Variants in CARS2 observed in about 807,000 individuals in gnomAD.
CARS2 encodes the protein cysteinyl-tRNA synthetase 2, mitochondrial, also known as probable cysteine--tRNA ligase, mitochondrial.
Under a neutral mutation model 68.8 loss-of-function variants are expected in CARS2, and 52 were observed. The ratio of observed to expected loss-of-function variants is 0.76; its 90% CI spans 0.61 to 0.95. The LOEUF is 0.95. Ranked by LOEUF, CARS2 falls within the 40% of genes least tolerant of loss-of-function variation. CARS2 has a pLI of 0.00. For missense variants in CARS2, 780 were observed against 754.2 expected (o/e 1.03, Z -0.40); for synonymous variants, 314 against 303.6 (o/e 1.03, Z -0.36).
chr13:110,695,933 C>T (rs7985542), intron 3 of CARS2, among the ~76,000 whole-genome samples: 77,760 of 151,848 alleles, frequency 0.51, 21,716 homozygotes, highest in Non-Finnish European at 0.64. Flanking sequence ...CCCTAGCCCC[C>T]CAACCCCTGA....
chr13:110,701,310 T>C, intron 3 of CARS2, 128 bp downstream of exon 3: 2 of 605,524 alleles, frequency 3.3e-6, no homozygotes, highest in Non-Finnish European at 5.9e-6. Flanking sequence ...GTGATCCACC[T>C]GTCTTGGCCT....
chr13:110,663,941 T>C, intron 8 of CARS2: 1 of 994,466 alleles, frequency 1.0e-6, no homozygotes. Context: ...TTGTTGACCG[T>C]TGTCCAAAAA....
chr13:110,676,920 G>A lies in CARS2; in HGVS notation c.785+54C>T. 1 of 1,477,814 alleles carries A rather than the reference G, an allele frequency of 6.8e-7. No individual in the cohort carries two copies. The highest frequency in any genetic ancestry group is 9.0e-7 in the Non-Finnish European group (1 of 1,109,232). The allele number at this position is 1,477,814 out of a possible 1,614,324, so 91.5% of individuals were successfully genotyped here. ...CCATGCACATCCTCTGCTGCCCTGA[G>A]CAGGCACCAGGGGAACTTGAGCCCC... On this transcript the variant is annotated intron_variant, in intron 7 of 14. Coordinates refer to ENST00000257347, the MANE Select transcript of CARS2 (RefSeq NM_024537.4). This position sits in a 1 kb window ranked among gnomAD's most constrained non-coding sequence, Gnocchi z 4.0.
At chr13:110,679,844 A>G (rs2063105076) in intron 6 of CARS2, among the ~76,000 whole-genome samples, 1 of 152,178 alleles carries the variant, frequency 6.6e-6, no homozygotes, top group South Asian at 2.1e-4. Flanking sequence ...AGTAGCTGCT[A>G]CCAGCAAAAG....
At position 110,642,357 on chromosome 13, in the gene CARS2, G is replaced by A. The variant is rs201472735; in HGVS notation, c.1581C>T (p.Asp527=). ...GGGCAGTCAGGCCCCGGCGCAGGGT[G>A]TCGCATGCTTCCAGCAGGGGCTGCC... ...LERQPLLEAC[D]TLRRGLTAHG... Residue 527 remains aspartate, a synonymous_variant, in exon 14 of 15, where the codon GAC becomes GAT. Transcript: ENST00000257347. 19 of 1,553,936 alleles carry A rather than the reference G, an allele frequency of 1.2e-5. No homozygotes were observed. In the East Asian group the frequency reaches 1.5e-4, roughly 12 times the overall value.
chr13:110,687,793 C>T lies in CARS2; in HGVS notation c.499G>A (p.Glu167Lys), dbSNP rs753936012. The change falls in exon 5 of 15, where the codon GAA becomes AAA. Residue 167 changes from glutamate (E) to lysine (K), a missense_variant. By Grantham distance (56) the Glu-to-Lys change is moderately conservative. Coordinates refer to ENST00000257347, the MANE Select transcript of CARS2 (RefSeq NM_024537.4). ...LPPTVYLRVT[E>K]NIPQIISFIE... Reference sequence around the variant, plus strand: ...AAAGAAATTATCTGAGGAATATTTTCGGTTACCCTCAGGTACACCGTGGGT... The same window carrying T: ...AAAGAAATTATCTGAGGAATATTTTTGGTTACCCTCAGGTACACCGTGGGT... The T allele has an allele frequency of 1.4e-5, 22 of 1,612,964 alleles. No homozygotes were observed. The South Asian group carries it at 1.8e-4, about 13-fold the overall frequency.
upstream of CARS2, among the ~76,000 whole-genome samples, chr13:110,710,576 G>GAA (rs1214043242): frequency 6.6e-6 from 1 of 152,170 alleles, no homozygotes; most frequent in African/African-American, 2.4e-5. Flanking sequence ...AAACAAAACT[G>GAA]AAAGAGACAA....
At chr13:110,669,116 G>A (rs1445334556) in intron 7 of CARS2, among the ~76,000 whole-genome samples, 6 of 152,200 alleles carry the variant, frequency 3.9e-5, no homozygotes, top group Middle Eastern at 3.4e-3. Flanking sequence ...GAGGAATGAC[G>A]GAAGCGTTTC....
At chr13:110,656,320 A>T (rs949869907) in intron 9 of CARS2, among the ~76,000 whole-genome samples, 2 of 152,178 alleles carry the variant, frequency 1.3e-5, no homozygotes, top group African/African-American at 4.8e-5. Flanking sequence ...AACAAAAAGT[A>T]AATTGAAAAG....
intron 3 of CARS2, among the ~76,000 whole-genome samples, chr13:110,700,889 C>T (rs533947637): frequency 3.3e-5 from 5 of 152,248 alleles, no homozygotes; most frequent in African/African-American, 1.2e-4. Context: ...GGTAACGACA[C>T]GAGGCCACAG....
chr13:110,669,192 G>C (rs1330283082), intron 7 of CARS2, among the ~76,000 whole-genome samples: 1 of 152,130 alleles, frequency 6.6e-6, no homozygotes, highest in Non-Finnish European at 1.5e-5. Context: ...CTCTTTCTGG[G>C]TCTTGAAGAA....
upstream of CARS2, among the ~76,000 whole-genome samples, chr13:110,710,088 A>G (rs1241782077): frequency 3.9e-5 from 6 of 152,214 alleles, no homozygotes; most frequent in African/African-American, 1.4e-4. Context: ...AACTTAAACA[A>G]TTCTATGCTT....
Position 110,700,080 on chromosome 13 carries a change from C to CT in CARS2, c.393+1357dup, listed in dbSNP as rs150411370. Among the ~76,000 whole-genome samples, 454 of 152,350 alleles carry CT rather than the reference C, an allele frequency of 3.0e-3. 1 individual carries two copies. Among genetic ancestry groups the CT allele is most frequent in the African/African-American group, 0.011 (439 of 41,574 alleles). The stretch of plus-strand genomic sequence containing the variant: ...CAGAGCTGTGGGAGTGGCCCTGCCC[C>CT]TGAAGGTCTGTGCAACCTCAAGATG... On this transcript the variant is annotated intron_variant, in intron 3 of 14. Coordinates refer to ENST00000257347, the MANE Select transcript of CARS2 (RefSeq NM_024537.4).
In CARS2 at chr13:110,650,976, G is replaced by A. The variant is rs550120861; in HGVS notation, c.1054+58C>T. 6.8e-6 allele frequency: 9 copies of A among 1,318,006 alleles called. No homozygotes were observed. The African/African-American group carries it at 1.2e-4, about 17-fold the overall frequency. 81.6% of individuals were successfully genotyped at this position (1,318,006 alleles called of 1,614,324 possible). The stretch of plus-strand genomic sequence containing the variant: ...CCTGCATTTTGCTGTTTTCAGTCCT[G>A]TCAGAATGACTGTCTCCGAGCTGGG... On this transcript the variant is annotated intron_variant, in intron 10 of 14. Transcript: ENST00000257347.
chr13:110,704,826 T>C lies in CARS2; in HGVS notation c.275+695A>G, dbSNP rs1038242795. 5.3e-5 allele frequency among the ~76,000 whole-genome samples: 8 copies of C among 152,192 alleles called. No homozygotes were observed. In the South Asian group the frequency reaches 1.7e-3, roughly 32 times the overall value. On this transcript the variant is annotated intron_variant, in intron 2 of 14. Transcript: ENST00000257347. ...ACTAAGTTTTAAAAAATCTATAATA[T>C]GTCATTTTTGTACATTATATTTTGG...
At chr13:110,642,207 C>CAA in intron 14 of CARS2, 108 bp downstream of exon 14, 1 of 865,298 alleles carries the variant, frequency 1.2e-6, no homozygotes, top group Non-Finnish European at 1.8e-6. Context: ...AACTCCGTCT[C>CAA]AAAAAAAAAG....
intron 8 of CARS2, chr13:110,664,820 A>T (rs900853128): frequency 3.3e-5 from 11 of 329,408 alleles, no homozygotes; most frequent in Non-Finnish European, 4.3e-5. Flanking sequence ...CTCATAACAG[A>T]GGCCCCTCGA....
chr13:110,682,942 G>T lies in CARS2; in HGVS notation c.655+109C>A, dbSNP rs184339698. On this transcript the variant is annotated intron_variant, in intron 6 of 14. Transcript: ENST00000257347. ...TAAAACACAGCTGTGACCTGGGTAA[G>T]GCCAGTGTCTGAGCAAGTGGAGGGG... is the stretch of plus-strand genomic sequence containing the variant. 6.4e-6 allele frequency: 4 copies of T among 629,810 alleles called. No homozygotes were observed. In the Admixed American group the frequency reaches 1.2e-4, roughly 19 times the overall value. 39.0% of individuals were successfully genotyped at this position (629,810 alleles called of 1,614,324 possible).
In CARS2 at chr13:110,651,117, C is replaced by G. The variant is rs1212397461; in HGVS notation, c.988-17G>C. ...CAGAAAGTCCTGGTAAAGCGAGAGA[C>G]AGGCAGTCACGAGGCTTTGCTTTTA... On this transcript the variant is annotated splice_polypyrimidine_tract_variant and intron_variant, in intron 9 of 14. Transcript: ENST00000257347. 1 of 1,599,412 alleles carries G rather than the reference C, an allele frequency of 6.3e-7. No individual in the cohort carries two copies. The highest frequency in any genetic ancestry group is 8.6e-7 in the Non-Finnish European group (1 of 1,167,152).
Sources: gnomAD v4.1 joint callset for allele counts (sites outside exome capture counted in the v4.1 genomes callset) on GRCh38, gnomAD v4.1.1 for gene constraint, Gnocchi (gnomAD v3.1) non-coding constraint, MANE v1.5 for transcripts, NCBI Gene and HGNC (gene_info 2026-07-23, HGNC 2026-07-21) for gene names.